Variants in NAAA observed in about 807,000 individuals in gnomAD.
The protein encoded by NAAA is N-acylethanolamine acid amidase.
In NAAA, 39 loss-of-function variants were observed where a neutral mutation model predicts 44.8. That is an observed-to-expected ratio of 0.87 (90% confidence interval 0.67 to 1.14). NAAA has a LOEUF of 1.14. Ranked by LOEUF, NAAA falls within the 50% of genes most tolerant of loss-of-function variation. NAAA has a pLI of 0.00. For synonymous variants in NAAA, 178 were observed against 191.3 expected (o/e 0.93, Z 0.58); for missense variants, 460 against 467.8 (o/e 0.98, Z 0.15).
intron 5 of NAAA, among the ~76,000 whole-genome samples, chr4:75,922,327 G>A (rs1218427864): frequency 6.6e-6 from 1 of 150,406 alleles, no homozygotes; most frequent in African/African-American, 2.5e-5. Context: ...GCAGTGAGCC[G>A]AGATCATGCC....
chr4:75,913,589 C>G (rs986100166), downstream of NAAA: 40 of 772,200 alleles, frequency 5.2e-5, 1 homozygote, highest in Non-Finnish European at 6.1e-5. Context: ...AAGAGAGTTG[C>G]TTTCTCAGGA....
chr4:75,911,420 C>T (rs1196134295), downstream of NAAA: 1 of 471,304 alleles, frequency 2.1e-6, no homozygotes, highest in African/African-American at 2.0e-5. Context: ...AATTAACAGT[C>T]CTAGCAGGAG....
rs748061053 is a variant in NAAA, at chr4:75,936,189, G to T, written c.418C>A (p.His140Asn). Reference sequence around the variant, plus strand: ...AAAGGATAATCCAAATTCCGACCATGGTAAATGTGGCCTCTGGAGTCTTGA... The same window carrying T: ...AAAGGATAATCCAAATTCCGACCATTGTAAATGTGGCCTCTGGAGTCTTGA... The part of the protein sequence containing the change: ...VAQDSRGHIY[H>N]GRNLDYPFGN... The change falls in exon 3 of 11, where the codon CAT becomes AAT. Residue 140 changes from histidine to asparagine, a missense_variant. By Grantham distance (68) the His-to-Asn change is moderately conservative (BLOSUM62 1). Coordinates refer to ENST00000286733, the MANE Select transcript of NAAA (RefSeq NM_014435.4). The T allele has an allele frequency of 6.2e-7, 1 of 1,613,936 alleles. No homozygotes were observed. Among genetic ancestry groups the T allele is most frequent in the East Asian group, 2.2e-5 (1 of 44,856 alleles).
At chr4:75,910,939 C>T (rs910966603), downstream of NAAA, among the ~76,000 whole-genome samples, 1 of 152,160 alleles carries the variant, frequency 6.6e-6, no homozygotes, top group Non-Finnish European at 1.5e-5. Flanking sequence ...ATCATTAGTT[C>T]TTATAGGTTT....
chr4:75,939,887 G>A, intron 2 of NAAA, 114 bp downstream of exon 2: 1 of 1,252,328 alleles, frequency 8.0e-7, no homozygotes, highest in Non-Finnish European at 1.1e-6. Flanking sequence ...GAGGTTTCTA[G>A]GCAAGCAGGC....
chr4:75,933,140 A>AAAC (rs970417726), intron 3 of NAAA, among the ~76,000 whole-genome samples: 4 of 151,770 alleles, frequency 2.6e-5, no homozygotes, highest in African/African-American at 9.7e-5. Context: ...CTCAAAAAAA[A>AAAC]AAAAAAAAAG....
chr4:75,913,281 C>A (rs368319785), downstream of NAAA, among the ~76,000 whole-genome samples: 4 of 151,902 alleles, frequency 2.6e-5, no homozygotes, highest in Admixed American at 6.6e-5. Context: ...CTCTTTTTAT[C>A]CCCCGCTCCT....
At chr4:75,931,109 C>T (rs2149273374) in intron 4 of NAAA, 105 bp downstream of exon 4, 2 of 831,488 alleles carry the variant, frequency 2.4e-6, no homozygotes, top group South Asian at 3.7e-5. Context: ...AAGTCCCTGC[C>T]ACATAGTGGG....
At chr4:75,929,800 A>G (rs1368309765) in intron 4 of NAAA, among the ~76,000 whole-genome samples, 1 of 152,052 alleles carries the variant, frequency 6.6e-6, no homozygotes. Context: ...AGAATAAACA[A>G]TAACACTGGC....
rs749547021 is a variant in NAAA at position 75,940,791 on chromosome 4, C to CCGCAGCACGGGCAGCCAG, written c.141_158dup (p.Trp48_Arg53dup). The CCGCAGCACGGGCAGCCAG allele has an allele frequency of 1.2e-5, 19 of 1,599,036 alleles. No individual in the cohort carries two copies. The East Asian group carries it at 4.3e-4, about 36-fold the overall frequency. ...CGCGCACCAAGTCCAAGTCGTAGTG[C>CCGCAGCACGGGCAGCCAG]CGCAGCACGGGCAGCCAGCGCAGCT... On this transcript the variant is annotated inframe_insertion, in exon 1 of 11. Coordinates refer to ENST00000286733, the MANE Select transcript of NAAA (RefSeq NM_014435.4).
At chr4:75,927,197 T>G (rs1726780923) in intron 4 of NAAA, among the ~76,000 whole-genome samples, 1 of 152,164 alleles carries the variant, frequency 6.6e-6, no homozygotes, top group Non-Finnish European at 1.5e-5. Context: ...CTCATGCCTG[T>G]AATCCCAGCA....
chr4:75,915,305 C>T (rs551399004), intron 9 of NAAA, among the ~76,000 whole-genome samples: 39 of 152,120 alleles, frequency 2.6e-4, no homozygotes, highest in East Asian at 1.5e-3. Flanking sequence ...GCTGAGATTG[C>T]GCCACTGCAC....
intron 7 of NAAA, among the ~76,000 whole-genome samples, 166 bp downstream of exon 7, chr4:75,920,572 C>T (rs982007835): frequency 6.6e-6 from 1 of 152,154 alleles, no homozygotes; most frequent in Non-Finnish European, 1.5e-5. Flanking sequence ...CCACTGCTCT[C>T]CTCCACACAA....
intron 8 of NAAA, 67 bp from the exon 9 acceptor site, chr4:75,918,856 T>G: frequency 2.7e-6 from 4 of 1,476,436 alleles, no homozygotes; most frequent in African/African-American, 2.8e-5. Flanking sequence ...AGAATATCTA[T>G]GGAGGGCCGG....
Position 75,940,861 on chromosome 4 carries a change from G to A in NAAA, c.89C>T (p.Pro30Leu). 2 of 1,579,084 alleles carry A rather than the reference G, an allele frequency of 1.3e-6. No individual in the cohort carries two copies. Among genetic ancestry groups the A allele is most frequent in the South Asian group, 1.1e-5 (1 of 88,394 alleles). ...LAGAGLSAAS[P>L]PAAPRFNVSL... is the part of the protein sequence containing the mutation. ...CACGTTGAAGCGCGGCGCTGCTGGG[G>A]GCGAGGCGGCTGACAGCCCGGCCCC... Residue 30 changes from proline to leucine, a missense_variant, in exon 1 of 11, where the codon CCC becomes CTC. Coordinates refer to ENST00000286733, the MANE Select transcript of NAAA (RefSeq NM_014435.4).
chr4:75,930,367 T>A (rs183807488), intron 4 of NAAA: 2 of 457,708 alleles, frequency 4.4e-6, no homozygotes, highest in Middle Eastern at 7.0e-4. Context: ...GAGAGCAATC[T>A]GAGAACTTCC....
chr4:75,919,959 C>G lies in NAAA; in HGVS notation c.919G>C (p.Ala307Pro), dbSNP rs1261990669. 1 of 1,613,822 alleles carries G rather than the reference C, an allele frequency of 6.2e-7. No homozygotes were observed. Among genetic ancestry groups the G allele is most frequent in the Non-Finnish European group, 8.5e-7 (1 of 1,179,922 alleles). The change falls in exon 8 of 11, where the codon GCC becomes CCC. Residue 307 changes from alanine to proline, a missense_variant. Ala to Pro is a conservative substitution (Grantham distance 27). Coordinates refer to ENST00000286733, the MANE Select transcript of NAAA (RefSeq NM_014435.4). Reference sequence around the variant, plus strand: ...TTTGCTTGTCCTGTAGCATTAAGGGCCTTGATGGCAGATGTTCTGTAAGGA... The same window carrying G: ...TTTGCTTGTCCTGTAGCATTAAGGGGCTTGATGGCAGATGTTCTGTAAGGA... ...EDDRRTSAIKALNATGQANLS... is the reference protein window; with the variant it reads ...EDDRRTSAIKPLNATGQANLS...
At chr4:75,915,401 C>G (rs962136220) in intron 9 of NAAA, among the ~76,000 whole-genome samples, 22 of 152,148 alleles carry the variant, frequency 1.4e-4, no homozygotes, top group African/African-American at 5.1e-4. Context: ...TACCCCAAGG[C>G]AGTGGGGGAG....
chr4:75,940,198 G>A (rs1454525359), intron 1 of NAAA, 33 bp from the exon 2 acceptor site: 2 of 1,596,648 alleles, frequency 1.3e-6, no homozygotes, highest in Non-Finnish European at 1.7e-6. Flanking sequence ...CGTCTGACCC[G>A]CTCAGAGGTC....
Sources: gnomAD v4.1 joint callset for allele counts (sites outside exome capture counted in the v4.1 genomes callset) on GRCh38, gnomAD v4.1.1 for gene constraint, MANE v1.5 for transcripts, NCBI Gene and HGNC (gene_info 2026-07-23, HGNC 2026-07-21) for gene names.